The following PRDM11 variants were observed in gnomAD, a reference collection of about 807,000 sequenced individuals.
PRDM11 encodes the protein PR domain-containing protein 11.
PRDM11 carries 20 observed loss-of-function variants against 97.8 expected under a neutral mutation model. The observed-to-expected ratio is 0.20, with a 90% CI of 0.14 to 0.30. PRDM11 has a LOEUF of 0.30. Among genes scored for constraint, PRDM11 ranks in the 10% least tolerant of loss-of-function variants. The pLI is 1.00. For missense variants in PRDM11, 1,139 were observed against 1,555.2 expected (o/e 0.73, Z 4.50); for synonymous variants, 599 against 637.7 (o/e 0.94, Z 0.91).
chr11:45,205,721 G>A (rs192004696), intron 5 of PRDM11, among the ~76,000 whole-genome samples: 4 of 152,266 alleles, frequency 2.6e-5, no homozygotes, highest in Non-Finnish European at 5.9e-5. Context: ...TCTTAAACTC[G>A]GAGACTTTCT....
chr11:45,112,837 G>C (rs189589038), intron 1 of PRDM11, among the ~76,000 whole-genome samples: 41 of 152,052 alleles, frequency 2.7e-4, no homozygotes, highest in Non-Finnish European at 5.3e-4. Flanking sequence ...CTGCCTTGCA[G>C]ATTCTGGATA....
At chr11:45,140,362 G>T (rs1852977855) in intron 1 of PRDM11, among the ~76,000 whole-genome samples, 1 of 152,116 alleles carries the variant, frequency 6.6e-6, no homozygotes, top group Non-Finnish European at 1.5e-5. Flanking sequence ...AAATAACAGG[G>T]GTGGGACTAG....
intron 1 of PRDM11, among the ~76,000 whole-genome samples, chr11:45,116,594 A>G (rs1023260143): frequency 3.9e-5 from 6 of 152,262 alleles, no homozygotes; most frequent in Non-Finnish European, 1.5e-5. Context: ...GGACTGAATA[A>G]TAACGAAAAT....
chr11:45,145,506 G>T (rs1024981170), upstream of PRDM11, among the ~76,000 whole-genome samples: 1 of 152,206 alleles, frequency 6.6e-6, no homozygotes, highest in African/African-American at 2.4e-5. Flanking sequence ...CTTCCCTGGG[G>T]TAGTACCCTC....
At chr11:45,173,018 GCCCTTCCCTT>G (rs1852239069) in intron 1 of PRDM11, among the ~76,000 whole-genome samples, 2 of 152,184 alleles carry the variant, frequency 1.3e-5, no homozygotes, top group South Asian at 4.1e-4. Flanking sequence ...TGAAATAAAA[GCCCTTCCCTT>G]CCCTTTGATT....
At chr11:45,173,349 C>T (rs1055945924) in intron 1 of PRDM11, among the ~76,000 whole-genome samples, 4 of 152,068 alleles carry the variant, frequency 2.6e-5, no homozygotes, top group Non-Finnish European at 4.4e-5. Context: ...TGGCTGGGCG[C>T]GGTAGCTCAC....
chr11:45,160,713 C>A (rs1162956645), intron 1 of PRDM11, among the ~76,000 whole-genome samples: 1 of 152,222 alleles, frequency 6.6e-6, no homozygotes, highest in Non-Finnish European at 1.5e-5. Context: ...TCTAGAGCAG[C>A]TACTGCTGGG....
chr11:45,120,626 A>G (rs781018045), intron 1 of PRDM11, among the ~76,000 whole-genome samples: 37 of 151,846 alleles, frequency 2.4e-4, no homozygotes, highest in African/African-American at 8.0e-4. Flanking sequence ...ATATATTTTC[A>G]TTAAAAAAAA....
chr11:45,221,034 A>G (rs1426945182), intron 6 of PRDM11, among the ~76,000 whole-genome samples: 1 of 152,208 alleles, frequency 6.6e-6, no homozygotes, highest in Non-Finnish European at 1.5e-5. Flanking sequence ...ACTAATTGGA[A>G]ATAAATCTTC....
At chr11:45,206,522 T>A (rs1330646453) in intron 5 of PRDM11, among the ~76,000 whole-genome samples, 1 of 152,224 alleles carries the variant, frequency 6.6e-6, no homozygotes, top group Non-Finnish European at 1.5e-5. Flanking sequence ...CTTTCTGTGC[T>A]ATTGCTTTTA....
At chr11:45,105,808 C>T (rs1852052294) in intron 1 of PRDM11, among the ~76,000 whole-genome samples, 1 of 152,234 alleles carries the variant, frequency 6.6e-6, no homozygotes, top group African/African-American at 2.4e-5. Context: ...CCCAGAAGCC[C>T]TCTGCTCTAG....
chr11:45,107,779 G>C (rs910986611), intron 1 of PRDM11, among the ~76,000 whole-genome samples: 3 of 151,910 alleles, frequency 2.0e-5, no homozygotes, highest in Admixed American at 6.6e-5. Flanking sequence ...ATACATAAAG[G>C]CTCCAGCACA....
At chr11:45,154,867 C>G (rs571471579) in intron 1 of PRDM11, among the ~76,000 whole-genome samples, 2 of 152,298 alleles carry the variant, frequency 1.3e-5, no homozygotes, top group South Asian at 2.1e-4. Context: ...AACATTCTAA[C>G]CCCAAATCTA....
intron 1 of PRDM11, among the ~76,000 whole-genome samples, chr11:45,132,260 G>C (rs751164693): frequency 1.1e-4 from 17 of 152,154 alleles, no homozygotes; most frequent in Admixed American, 7.9e-4. Context: ...CAAAACAAGA[G>C]CTTTGCCAGC....
Position 45,166,681 on chromosome 11 carries a change from G to A in PRDM11, c.-6-15080G>A, listed in dbSNP as rs16938176. Among the ~76,000 whole-genome samples, 1,062 of 152,378 alleles carry A rather than the reference G, an allele frequency of 7.0e-3. 11 individuals carry two copies. Among genetic ancestry groups the A allele is most frequent in the African/African-American group, 0.024 (1,015 of 41,590 alleles). Reference sequence around the variant, plus strand: ...GTAGGATGTGAACACAGAAGAGTGAGTGAACAGATAATGCTTCACAGAGTA... The same window carrying A: ...GTAGGATGTGAACACAGAAGAGTGAATGAACAGATAATGCTTCACAGAGTA... On this transcript the variant is annotated intron_variant, in intron 1 of 7. Transcript: ENST00000683152.
intron 6 of PRDM11, among the ~76,000 whole-genome samples, chr11:45,223,109 A>G (rs1854163741): frequency 6.6e-6 from 1 of 152,206 alleles, no homozygotes; most frequent in African/African-American, 2.4e-5. Flanking sequence ...TGAGCCTAGG[A>G]GTTTGAGACC....
chr11:45,109,175 T>G (rs1475767868), intron 1 of PRDM11, among the ~76,000 whole-genome samples: 1 of 152,102 alleles, frequency 6.6e-6, no homozygotes, highest in African/African-American at 2.4e-5. Context: ...TTGGGTCACC[T>G]CCTATTTCTG....
At position 45,219,525 on chromosome 11, in the gene PRDM11, C is replaced by G. The variant is rs950068194; in HGVS notation, c.555-45C>G. 7.7e-6 allele frequency: 12 copies of G among 1,551,620 alleles called. No homozygotes were observed. Among genetic ancestry groups the G allele is most frequent in the Non-Finnish European group, 1.1e-5 (12 of 1,133,180 alleles). On this transcript the variant is annotated intron_variant, in intron 5 of 7. Coordinates refer to ENST00000683152, the MANE Select transcript of PRDM11 (RefSeq NM_001384648.1). This position sits in a 1 kb window ranked among gnomAD's most constrained non-coding sequence, Gnocchi z 4.2. Reference sequence around the variant, plus strand: ...TGTGCCGGCACCAGCGGGCACTCAACAAAGGGTGGCCCGTGCGTTCTCACC... The same window carrying G: ...TGTGCCGGCACCAGCGGGCACTCAAGAAAGGGTGGCCCGTGCGTTCTCACC...
At chr11:45,145,202 A>T (rs900872282), upstream of PRDM11, among the ~76,000 whole-genome samples, 3 of 152,164 alleles carry the variant, frequency 2.0e-5, no homozygotes, top group African/African-American at 7.2e-5. Context: ...CACTTTGCAG[A>T]TGTGGGAAAT....
Sources: allele counts gnomAD v4.1 joint callset (sites outside exome capture counted in the v4.1 genomes callset), GRCh38; gene constraint gnomAD v4.1.1; non-coding constraint Gnocchi (gnomAD v3.1); transcripts MANE v1.5; gene names NCBI Gene and HGNC (gene_info 2026-07-23, HGNC 2026-07-21).